Variants in TMC2 observed in about 807,000 individuals in gnomAD.
The protein encoded by TMC2 is transmembrane channel-like protein 2.
In TMC2, 102 loss-of-function variants were observed where a neutral mutation model predicts 105.9. The observed-to-expected ratio is 0.96, with a 90% CI of 0.82 to 1.14. The LOEUF is 1.14. TMC2 is among the 50% of genes most tolerant of loss of function. The pLI is 0.00. For synonymous variants in TMC2, 402 were observed against 422.8 expected, an observed-to-expected ratio of 0.95 and a Z score of 0.60; for missense variants, 1,093 against 1,134.3, an observed-to-expected ratio of 0.96 and a Z score of 0.52.
chr20:2,636,193 T>C (rs1346657192), intron 18 of TMC2, among the ~76,000 whole-genome samples, 189 bp downstream of exon 18: 2 of 152,162 alleles, frequency 1.3e-5, no homozygotes, highest in Non-Finnish European at 2.9e-5. Context: ...TGAGGCTATT[T>C]GGTGATTTGT....
chr20:2,570,484 A>G (rs1160950395), intron 4 of TMC2, among the ~76,000 whole-genome samples: 1 of 152,182 alleles, frequency 6.6e-6, no homozygotes, highest in Non-Finnish European at 1.5e-5. Context: ...GAGAACTACA[A>G]TACAATGACT....
chr20:2,608,300 T>TTTATTATTAGTA (rs1555775763), intron 11 of TMC2, among the ~76,000 whole-genome samples: 2 of 134,602 alleles, frequency 1.5e-5, no homozygotes, highest in Non-Finnish European at 3.2e-5. Flanking sequence ...CTTATTTTTA[T>TTTATTATTAGTA]TTATTATTAT....
intron 14 of TMC2, chr20:2,613,993 A>G (rs1464545565): frequency 6.6e-6 from 1 of 152,576 alleles, no homozygotes; most frequent in African/African-American, 2.4e-5. Flanking sequence ...ATGTTGACCT[A>G]TGTATCCCTC....
At chr20:2,599,295 TAAAAAAAAA>T (rs11473820) in intron 10 of TMC2, among the ~76,000 whole-genome samples, 1 of 126,832 alleles carries the variant, frequency 7.9e-6, no homozygotes, top group Non-Finnish European at 1.6e-5. Flanking sequence ...GGGATAATGT[TAAAAAAAAA>T]AAAAAAAAAA....
intron 13 of TMC2, among the ~76,000 whole-genome samples, chr20:2,612,769 C>G (rs2146240251): frequency 6.6e-6 from 1 of 152,302 alleles, no homozygotes. Flanking sequence ...TCTCCAGTGA[C>G]TGACGGTCAC....
At position 2,545,800 on chromosome 20, in the gene TMC2, GGAA is replaced by G. The variant is rs200233895; in HGVS notation, c.82+8496_82+8498del. On this transcript the variant is annotated intron_variant, in intron 2 of 19. Transcript: ENST00000358864. Reference sequence around the variant, plus strand: ...TGAAGAAGAAGACGAAGATGAAGAAGGAAGAAGAAGAAGAGGAAGAGGAAGAAA... The same window carrying G: ...TGAAGAAGAAGACGAAGATGAAGAAGGAAGAAGAAGAGGAAGAGGAAGAAA... Among the ~76,000 whole-genome samples the G allele has an allele frequency of 4.3e-3, 530 of 122,282 alleles. 6 individuals carry two copies. The highest frequency in any genetic ancestry group is 0.013 in the African/African-American group (391 of 30,270). 80.2% of individuals were successfully genotyped at this position (122,282 alleles called of 152,430 possible). A position where few individuals can be genotyped will look rare whatever the true frequency, so the allele number is the denominator to read the frequency against.
chr20:2,564,947 G>A (rs530183213), intron 4 of TMC2, among the ~76,000 whole-genome samples: 1 of 152,294 alleles, frequency 6.6e-6, no homozygotes, highest in African/African-American at 2.4e-5. Context: ...CCGAGCTGGT[G>A]CCTCTGCCTA....
chr20:2,536,690 A>G, intron 1 of TMC2, 35 bp downstream of exon 1: 1 of 1,561,226 alleles, frequency 6.4e-7, no homozygotes, highest in Non-Finnish European at 8.7e-7. Flanking sequence ...GGGCCCGCCC[A>G]CAGGGTTCCT....
At chr20:2,628,878 A>G (rs959529193) in intron 17 of TMC2, among the ~76,000 whole-genome samples, 172 of 152,020 alleles carry the variant, frequency 1.1e-3, no homozygotes, top group African/African-American at 3.8e-3. Flanking sequence ...CGAGGCGGGC[A>G]GATCACGAGG....
At chr20:2,632,014 T>C (rs1228515891) in intron 17 of TMC2, among the ~76,000 whole-genome samples, 1 of 151,202 alleles carries the variant, frequency 6.6e-6, no homozygotes, top group African/African-American at 2.5e-5. Context: ...TATTTTCAAG[T>C]TCATTGATTC....
At chr20:2,628,930 G>A (rs974823799) in intron 17 of TMC2, among the ~76,000 whole-genome samples, 78 of 151,986 alleles carry the variant, frequency 5.1e-4, no homozygotes, top group African/African-American at 1.6e-3. Context: ...GTGAAACCCC[G>A]TCTCTACTAA....
intron 2 of TMC2, among the ~76,000 whole-genome samples, chr20:2,555,993 T>A (rs1049000803): frequency 6.6e-6 from 1 of 152,258 alleles, no homozygotes; most frequent in African/African-American, 2.4e-5. Context: ...CCATAAGCTA[T>A]GATTATCCAA....
chr20:2,595,652 A>C lies in TMC2; in HGVS notation c.1076+685A>C, dbSNP rs1173616642. 2.0e-5 allele frequency among the ~76,000 whole-genome samples: 3 copies of C among 152,270 alleles called. No homozygotes were observed. In the East Asian group the frequency reaches 5.8e-4, roughly 29 times the overall value. ...GCCTTCTTCAGAATCAGGGGACCCCATCAGCTGTGGCTGGGGGTCACGGAG... is the reference window on the plus strand; with the variant it reads ...GCCTTCTTCAGAATCAGGGGACCCCCTCAGCTGTGGCTGGGGGTCACGGAG... On this transcript the variant is annotated intron_variant, in intron 9 of 19. Coordinates refer to ENST00000358864, the MANE Select transcript of TMC2 (RefSeq NM_080751.3).
chr20:2,606,352 T>C (rs112705061), intron 11 of TMC2, among the ~76,000 whole-genome samples: 2 of 152,258 alleles, frequency 1.3e-5, no homozygotes, highest in Non-Finnish European at 2.9e-5. Flanking sequence ...CTCCACCTCC[T>C]GGGTTCAAAC....
At position 2,582,483 on chromosome 20, in the gene TMC2, A is replaced by G. The variant is rs185937090; in HGVS notation, c.834+2427A>G. 4.5e-3 allele frequency among the ~76,000 whole-genome samples: 683 copies of G among 152,236 alleles called. 7 individuals are homozygous for G. Among genetic ancestry groups the G allele is most frequent in the African/African-American group, 0.015 (610 of 41,516 alleles). On this transcript the variant is annotated intron_variant, in intron 7 of 19. Coordinates refer to ENST00000358864, the MANE Select transcript of TMC2 (RefSeq NM_080751.3). ...CTTTTTAAAAAAATTATTTATATAT[A>G]TATAGAGAGAGAGACAGAGCCTCAT... is the stretch of plus-strand genomic sequence containing the variant.
chr20:2,559,398 C>T (rs1454043648), intron 3 of TMC2, among the ~76,000 whole-genome samples: 1 of 152,168 alleles, frequency 6.6e-6, no homozygotes, highest in African/African-American at 2.4e-5. Flanking sequence ...ACAGGGCCAG[C>T]TTATGGCATC....
intron 3 of TMC2, among the ~76,000 whole-genome samples, chr20:2,559,422 T>C (rs918522720): frequency 2.0e-5 from 3 of 152,116 alleles, no homozygotes; most frequent in Non-Finnish European, 4.4e-5. Context: ...AAGTGAAGAT[T>C]TGGGGTTCAT....
intron 12 of TMC2, among the ~76,000 whole-genome samples, 189 bp downstream of exon 12, chr20:2,610,787 G>C (rs1369743876): frequency 6.6e-6 from 1 of 151,532 alleles, no homozygotes; most frequent in East Asian, 1.9e-4. Context: ...TTTTCCTATA[G>C]TTTTTTACTG....
chr20:2,572,238 A>G lies in TMC2; in HGVS notation c.614A>G (p.Gln205Arg), dbSNP rs11908093. 0.11 allele frequency: 169,802 copies of G among 1,611,328 alleles called. 10,053 individuals are homozygous for G. The highest frequency in any genetic ancestry group is 0.21 in the African/African-American group (15,660 of 74,444). ...GCCTTGGGAAAGGGGAAAGGCAAGC[A>G]ACTATATGCCTACAAGATGCTGATG... ...EGALGKGKGKQLYAYKMLMAK... is the reference protein window; with the variant it reads ...EGALGKGKGKRLYAYKMLMAK... The change falls in exon 5 of 20, where the codon CAA becomes CGA. Residue 205 changes from glutamine (Q) to arginine (R), a missense_variant. Physicochemically the swap from Gln to Arg is conservative, Grantham distance 43. Coordinates refer to ENST00000358864, the MANE Select transcript of TMC2 (RefSeq NM_080751.3).
Sources: allele counts gnomAD v4.1 joint callset (sites outside exome capture counted in the v4.1 genomes callset), GRCh38; gene constraint gnomAD v4.1.1; transcripts MANE v1.5; gene names NCBI Gene and HGNC (gene_info 2026-07-23, HGNC 2026-07-21).